The following PTPRR variants were observed in gnomAD, a reference collection of about 807,000 sequenced individuals.
PTPRR encodes the protein protein tyrosine phosphatase receptor type R, also known as receptor-type tyrosine-protein phosphatase R.
In PTPRR, 38 loss-of-function variants were observed where a neutral mutation model predicts 77.2. That is an observed-to-expected ratio of 0.49 (90% CI 0.38 to 0.65). PTPRR has a LOEUF of 0.65. Among genes scored for constraint, PTPRR ranks in the 30% least tolerant of loss-of-function variants. The pLI is 0.00. For synonymous variants in PTPRR, 299 were observed against 283.1 expected (o/e 1.06, Z -0.57); for missense variants, 744 against 799.2 (o/e 0.93, Z 0.83).
intron 6 of PTPRR, among the ~76,000 whole-genome samples, chr12:70,725,619 C>G (rs978616185): frequency 1.3e-5 from 2 of 151,938 alleles, no homozygotes; most frequent in Non-Finnish European, 2.9e-5. Context: ...TACCGAGAGC[C>G]AACTTAGGTG....
intron 2 of PTPRR, among the ~76,000 whole-genome samples, chr12:70,800,955 T>C (rs1244201742): frequency 6.6e-6 from 1 of 151,804 alleles, no homozygotes; most frequent in Non-Finnish European, 1.5e-5. Context: ...TATTAAGTCA[T>C]GCACCTTCTC....
At chr12:70,897,071 C>T (rs1428820857) in intron 1 of PTPRR, among the ~76,000 whole-genome samples, 1 of 151,728 alleles carries the variant, frequency 6.6e-6, no homozygotes, top group African/African-American at 2.4e-5. Flanking sequence ...GTTCGTTTGG[C>T]TTAGGATTGA....
chr12:70,833,178 G>A (rs1892244449), intron 2 of PTPRR, among the ~76,000 whole-genome samples: 1 of 152,144 alleles, frequency 6.6e-6, no homozygotes, highest in Non-Finnish European at 1.5e-5. Flanking sequence ...CAGGGACTTT[G>A]AGGGGAGATG....
intron 6 of PTPRR, among the ~76,000 whole-genome samples, chr12:70,709,005 G>A (rs1203767535): frequency 6.6e-6 from 1 of 151,818 alleles, no homozygotes; most frequent in Non-Finnish European, 1.5e-5. Context: ...ACCAAAACCT[G>A]GCAGAGATTC....
chr12:70,672,020 C>A (rs996845435), intron 10 of PTPRR: 18 of 1,313,290 alleles, frequency 1.4e-5, no homozygotes, highest in Non-Finnish European at 1.9e-5. Context: ...GTTCCAGGCA[C>A]CCCACCTGGT....
At chr12:70,767,392 C>A (rs1275320652) in intron 2 of PTPRR, among the ~76,000 whole-genome samples, 1 of 149,128 alleles carries the variant, frequency 6.7e-6, no homozygotes, top group Non-Finnish European at 1.5e-5. Context: ...AGACTTTAAA[C>A]CAACAAAGAT....
chr12:70,748,161 TA>T (rs1890272249), intron 5 of PTPRR, among the ~76,000 whole-genome samples: 1 of 152,134 alleles, frequency 6.6e-6, no homozygotes, highest in Non-Finnish European at 1.5e-5. Flanking sequence ...TAAGGGATCA[TA>T]AAATTTTTGT....
chr12:70,759,700 A>C (rs1242176634), intron 4 of PTPRR, among the ~76,000 whole-genome samples: 92 of 150,086 alleles, frequency 6.1e-4, no homozygotes, highest in African/African-American at 2.1e-3. Context: ...AAAAAAAAAA[A>C]AAAAAACAAA....
chr12:70,708,134 T>A (rs561560357), intron 6 of PTPRR, among the ~76,000 whole-genome samples: 21 of 152,202 alleles, frequency 1.4e-4, no homozygotes, highest in African/African-American at 5.1e-4. Context: ...ATCCAATATA[T>A]ATCATATTCA....
chr12:70,823,724 G>T (rs1480940007), intron 2 of PTPRR, among the ~76,000 whole-genome samples: 1 of 152,182 alleles, frequency 6.6e-6, no homozygotes, highest in Non-Finnish European at 1.5e-5. Flanking sequence ...TGCCTGCCAA[G>T]GGACAGGTCC....
chr12:70,880,060 C>A (rs1295904800), intron 2 of PTPRR, among the ~76,000 whole-genome samples: 5 of 152,098 alleles, frequency 3.3e-5, no homozygotes, highest in Admixed American at 6.5e-5. Context: ...ACCAGCCAAC[C>A]AATGGCTTAG....
intron 2 of PTPRR, among the ~76,000 whole-genome samples, chr12:70,792,343 C>A (rs1891435762): frequency 6.6e-6 from 1 of 152,138 alleles, no homozygotes. Context: ...TAATAAATGG[C>A]AGAATTAGGC....
In PTPRR at chr12:70,752,601, G is replaced by T. The variant is rs79350636; in HGVS notation, c.738+1590C>A. 2.6e-3 allele frequency among the ~76,000 whole-genome samples: 399 copies of T among 152,280 alleles called. 8 individuals are homozygous for T. The East Asian group carries it at 0.066, about 25-fold the overall frequency. On this transcript the variant is annotated intron_variant, in intron 5 of 13. Coordinates refer to ENST00000283228, the MANE Select transcript of PTPRR (RefSeq NM_002849.4). ...TGCTGCCCTTTAGTACTCAAAGGCT[G>T]GGCATGACTCTGCTTTCCCACTTCC...
chr12:70,861,943 C>G (rs1565721654), intron 2 of PTPRR, among the ~76,000 whole-genome samples: 1 of 152,112 alleles, frequency 6.6e-6, no homozygotes. Context: ...GATGGTCATG[C>G]TCTTTTAAGG....
At chr12:70,747,906 C>T (rs1024206343) in intron 5 of PTPRR, among the ~76,000 whole-genome samples, 1 of 152,032 alleles carries the variant, frequency 6.6e-6, no homozygotes. Flanking sequence ...TGAAATTAAG[C>T]TATAAGGCAG....
chr12:70,666,699 T>C (rs1363078451), intron 10 of PTPRR, among the ~76,000 whole-genome samples: 7 of 152,028 alleles, frequency 4.6e-5, no homozygotes, highest in Admixed American at 3.9e-4. Flanking sequence ...TTCATAGGCT[T>C]TTCTATTTTC....
At chr12:70,701,653 T>C (rs1888429891) in intron 6 of PTPRR, among the ~76,000 whole-genome samples, 1 of 152,164 alleles carries the variant, frequency 6.6e-6, no homozygotes, top group Non-Finnish European at 1.5e-5. Flanking sequence ...TATCTATATC[T>C]ATATCTTCTG....
At chr12:70,875,651 A>AC (rs967745171) in intron 2 of PTPRR, among the ~76,000 whole-genome samples, 1 of 152,076 alleles carries the variant, frequency 6.6e-6, no homozygotes, top group Non-Finnish European at 1.5e-5. Flanking sequence ...AGAAAAAAAA[A>AC]AAAAGACAGG....
chr12:70,873,476 A>G (rs920772107), intron 2 of PTPRR, among the ~76,000 whole-genome samples: 8 of 152,228 alleles, frequency 5.3e-5, no homozygotes, highest in African/African-American at 1.9e-4. Context: ...TGAGATGCCC[A>G]TCTCTAAACA....
Sources: gnomAD v4.1 joint callset for allele counts (sites outside exome capture counted in the v4.1 genomes callset) on GRCh38, gnomAD v4.1.1 for gene constraint, MANE v1.5 for transcripts, NCBI Gene and HGNC (gene_info 2026-07-23, HGNC 2026-07-21) for gene names.